ADAMTS17: variants seen among roughly 807,000 people sequenced by gnomAD.
ADAMTS17 encodes A disintegrin and metalloproteinase with thrombospondin motifs 17.
In ADAMTS17, 113 loss-of-function variants were observed where a neutral mutation model predicts 141.5. The observed-to-expected ratio is 0.80, with a 90% CI of 0.69 to 0.93. ADAMTS17 has a LOEUF of 0.93. Among genes scored for constraint, ADAMTS17 ranks in the 40% least tolerant of loss-of-function variants. The probability of loss-of-function intolerance (pLI) is 0.00; values close to 1 mark genes in which losing one functional copy is unlikely to be tolerated. For missense variants in ADAMTS17, 1,659 were observed against 1,517.9 expected (o/e 1.09, Z -1.54); for synonymous variants, 768 against 630.6 (o/e 1.22, Z -3.27).
At chr15:100,098,802 G>A (rs1167097591) in intron 14 of ADAMTS17, among the ~76,000 whole-genome samples, 1 of 152,218 alleles carries the variant, frequency 6.6e-6, no homozygotes, top group East Asian at 1.9e-4. Context: ...GAGCTCCAGT[G>A]CATGGTCTCC....
intron 4 of ADAMTS17, 99 bp from the exon 5 acceptor site, chr15:100,262,534 T>C (rs1798009547): frequency 3.5e-6 from 3 of 866,826 alleles, no homozygotes; most frequent in Non-Finnish European, 5.4e-6. Flanking sequence ...AAAGAGATTA[T>C]GTAAAAATAA....
intron 7 of ADAMTS17, among the ~76,000 whole-genome samples, chr15:100,200,912 A>C (rs1333630058): frequency 1.3e-5 from 2 of 151,570 alleles, no homozygotes; most frequent in African/African-American, 4.9e-5. Context: ...GCTCTCCCCC[A>C]TGGCTGTCCC....
intron 18 of ADAMTS17, among the ~76,000 whole-genome samples, chr15:100,023,150 T>C (rs1480855113): frequency 6.6e-6 from 1 of 152,102 alleles, no homozygotes; most frequent in East Asian, 1.9e-4. Context: ...TTGAACCAAG[T>C]TGTGTGATGT....
intron 3 of ADAMTS17, among the ~76,000 whole-genome samples, chr15:100,283,262 A>T (rs1217462046): frequency 6.6e-6 from 1 of 152,218 alleles, no homozygotes; most frequent in East Asian, 1.9e-4. Flanking sequence ...TGATGGAATA[A>T]GGGAAGAAAG....
intron 7 of ADAMTS17, among the ~76,000 whole-genome samples, chr15:100,206,098 T>C (rs914545165): frequency 6.6e-6 from 1 of 152,216 alleles, no homozygotes. Context: ...GGTGGCTCCC[T>C]GTGTGGGGAG....
intron 20 of ADAMTS17, among the ~76,000 whole-genome samples, chr15:99,991,465 A>C (rs1312139896): frequency 2.6e-5 from 4 of 152,244 alleles, no homozygotes; most frequent in Non-Finnish European, 5.9e-5. Flanking sequence ...TCAAAACCAC[A>C]ATGAGATACC....
At chr15:100,260,396 C>T (rs2043474956) in intron 6 of ADAMTS17, among the ~76,000 whole-genome samples, 1 of 151,964 alleles carries the variant, frequency 6.6e-6, no homozygotes, top group Non-Finnish European at 1.5e-5. Context: ...GGCAGATTAC[C>T]TGAGGTCAGG....
At chr15:99,977,321 C>T (rs1209881752) in intron 20 of ADAMTS17, among the ~76,000 whole-genome samples, 14 of 113,294 alleles carry the variant, frequency 1.2e-4, no homozygotes, top group Middle Eastern at 7.0e-3. Context: ...GTTAAGACTT[C>T]GTGGTTCTGT....
chr15:100,223,443 T>C (rs1015644555), intron 7 of ADAMTS17, among the ~76,000 whole-genome samples: 30 of 152,042 alleles, frequency 2.0e-4, no homozygotes, highest in African/African-American at 6.5e-4. Flanking sequence ...TATATAACCA[T>C]GTTTCAAAGT....
At chr15:100,224,402 G>A (rs929641670) in intron 7 of ADAMTS17, among the ~76,000 whole-genome samples, 1 of 152,126 alleles carries the variant, frequency 6.6e-6, no homozygotes, top group African/African-American at 2.4e-5. Flanking sequence ...TTTGCAGCCA[G>A]CCATTTGTGA....
At position 99,997,674 on chromosome 15, in the gene ADAMTS17, G is replaced by C. The variant is rs2060832899; in HGVS notation, c.2592-85C>G. ...GGCCTTCCGGCCGGATCCTGGAATT[G>C]CTGCCCTGTGGTGGGAGAGAGGGAG... On this transcript the variant is annotated intron_variant, in intron 18 of 21. Coordinates refer to ENST00000268070, the MANE Select transcript of ADAMTS17 (RefSeq NM_139057.4). The surrounding 1 kb of genome is among the most constrained non-coding windows in gnomAD (Gnocchi z 4.7). The C allele has an allele frequency of 7.1e-6, 11 of 1,555,540 alleles. No homozygotes were observed. The highest frequency in any genetic ancestry group is 8.8e-6 in the Non-Finnish European group (10 of 1,134,452).
At chr15:100,108,752 T>C (rs2036559966) in intron 14 of ADAMTS17, among the ~76,000 whole-genome samples, 1 of 152,256 alleles carries the variant, frequency 6.6e-6, no homozygotes, top group Non-Finnish European at 1.5e-5. Flanking sequence ...AGTCTTAGAA[T>C]ACGTTGTGCC....
rs1397904874 is a variant in ADAMTS17, at chr15:100,292,088, A to ACGAGAGACGC, written c.617-10688_617-10687insGCGTCTCTCG. Among the ~76,000 whole-genome samples the ACGAGAGACGC allele has an allele frequency of 4.5e-5, 6 of 132,982 alleles. 1 individual carries two copies. Among genetic ancestry groups the ACGAGAGACGC allele is most frequent in the African/African-American group, 1.2e-4 (4 of 33,526 alleles). 87.2% of individuals were successfully genotyped at this position (132,982 alleles called of 152,430 possible). On this transcript the variant is annotated intron_variant, in intron 3 of 21. Transcript: ENST00000268070. ...AGAGACGCTCAGCCCGTGGGGAGTCATGAGAGACGCTCAGCCCGTGGGGAG... is the reference window on the plus strand; with the variant it reads ...AGAGACGCTCAGCCCGTGGGGAGTCACGAGAGACGCTGAGAGACGCTCAGCCCGTGGGGAG...
At chr15:100,086,200 G>C (rs1480523743) in intron 15 of ADAMTS17, among the ~76,000 whole-genome samples, 1 of 152,074 alleles carries the variant, frequency 6.6e-6, no homozygotes, top group Non-Finnish European at 1.5e-5. Flanking sequence ...TGCAATCCTA[G>C]TCTCTGATAA....
At chr15:100,127,299 G>T (rs1286211473) in intron 12 of ADAMTS17, among the ~76,000 whole-genome samples, 1 of 152,180 alleles carries the variant, frequency 6.6e-6, no homozygotes, top group African/African-American at 2.4e-5. Flanking sequence ...CCAATGACAA[G>T]CGTTCTTCCA....
chr15:100,231,972 A>C (rs529652750), intron 7 of ADAMTS17, among the ~76,000 whole-genome samples: 2 of 152,320 alleles, frequency 1.3e-5, no homozygotes, highest in African/African-American at 4.8e-5. Context: ...CTAATTCCTG[A>C]ACCTTCATTT....
chr15:100,209,711 T>C (rs1353333105), intron 7 of ADAMTS17, among the ~76,000 whole-genome samples: 3 of 151,836 alleles, frequency 2.0e-5, no homozygotes, highest in Non-Finnish European at 4.4e-5. Flanking sequence ...GCAGAATCAG[T>C]GGCAGACAAG....
intron 8 of ADAMTS17, chr15:100,168,244 T>C (rs2040026071): frequency 6.6e-6 from 1 of 152,190 alleles, no homozygotes; most frequent in Non-Finnish European, 1.5e-5. Flanking sequence ...CTCCTGGATT[T>C]TGGTTTCAGG....
chr15:100,240,633 A>C lies in ADAMTS17; in HGVS notation c.1075+13503T>G, dbSNP rs2042801786. Among the ~76,000 whole-genome samples the C allele has an allele frequency of 2.6e-5, 4 of 152,194 alleles. No individual in the cohort carries two copies. The South Asian group carries it at 8.3e-4, about 32-fold the overall frequency. On this transcript the variant is annotated intron_variant, in intron 7 of 21. Transcript: ENST00000268070. ...AAGTAATGAGCCTTCATCTTCCAGC[A>C]GTTCCCCCACAGCTGACCTTCCCAC...
Sources: gnomAD v4.1 joint callset for allele counts (sites outside exome capture counted in the v4.1 genomes callset) on GRCh38, gnomAD v4.1.1 for gene constraint, Gnocchi (gnomAD v3.1) non-coding constraint, MANE v1.5 for transcripts, NCBI Gene and HGNC (gene_info 2026-07-23, HGNC 2026-07-21) for gene names.